SLMAP: variants seen among roughly 807,000 people sequenced by gnomAD.
SLMAP encodes the protein sarcolemma associated protein, also known as sarcolemmal membrane-associated protein.
SLMAP carries 44 observed loss-of-function variants against 128.8 expected under a neutral mutation model. That is an observed-to-expected ratio of 0.34 (90% CI 0.27 to 0.44). The LOEUF (loss-of-function observed/expected upper bound fraction) is 0.44. Among genes scored for constraint, SLMAP ranks in the 20% least tolerant of loss-of-function variants. SLMAP has a pLI of 1.00. For synonymous variants in SLMAP, 327 were observed against 348.8 expected (o/e 0.94, Z 0.70); for missense variants, 787 against 985.3 (o/e 0.80, Z 2.69).
chr3:57,895,118 C>T (rs1244705184), intron 15 of SLMAP, among the ~76,000 whole-genome samples: 2 of 150,990 alleles, frequency 1.3e-5, no homozygotes, highest in Admixed American at 1.3e-4. Flanking sequence ...TAGTGACACC[C>T]CCTCTAAAAA....
At chr3:57,806,607 T>C (rs2089930344) in intron 2 of SLMAP, among the ~76,000 whole-genome samples, 2 of 151,978 alleles carry the variant, frequency 1.3e-5, no homozygotes, top group Non-Finnish European at 2.9e-5. Context: ...CTGGCCAATT[T>C]TTTTGTATTT....
intron 2 of SLMAP, among the ~76,000 whole-genome samples, chr3:57,777,297 C>T (rs1364480750): frequency 1.3e-5 from 2 of 151,894 alleles, no homozygotes; most frequent in Non-Finnish European, 2.9e-5. Flanking sequence ...AAAAAAACCT[C>T]TTAGAAGAAG....
intron 2 of SLMAP, among the ~76,000 whole-genome samples, chr3:57,803,193 G>A (rs1008231318): frequency 6.6e-6 from 1 of 151,856 alleles, no homozygotes; most frequent in Non-Finnish European, 1.5e-5. Flanking sequence ...ATGGAAATTG[G>A]GCATGTTTGC....
intron 19 of SLMAP, among the ~76,000 whole-genome samples, chr3:57,911,098 G>A (rs1342831254): frequency 2.0e-5 from 3 of 151,988 alleles, no homozygotes; most frequent in Non-Finnish European, 2.9e-5. Context: ...TATTTTCATC[G>A]TAGACTGTGT....
chr3:57,798,640 C>T (rs2087380752), intron 2 of SLMAP, among the ~76,000 whole-genome samples: 1 of 152,112 alleles, frequency 6.6e-6, no homozygotes, highest in South Asian at 2.1e-4. Context: ...TAAAGCATGA[C>T]CTCTAGTTTA....
At chr3:57,875,677 G>T (rs1396837607) in intron 14 of SLMAP, among the ~76,000 whole-genome samples, 2 of 152,204 alleles carry the variant, frequency 1.3e-5, no homozygotes, top group African/African-American at 4.8e-5. Flanking sequence ...CAGGTAGCAA[G>T]TAGTAAGAAT....
intron 14 of SLMAP, among the ~76,000 whole-genome samples, chr3:57,872,850 A>G (rs922353161): frequency 1.3e-5 from 2 of 152,200 alleles, no homozygotes; most frequent in Non-Finnish European, 2.9e-5. Flanking sequence ...TCAAGCAAAT[A>G]CTTTCTCAGG....
intron 15 of SLMAP, among the ~76,000 whole-genome samples, chr3:57,895,550 G>A (rs1341030437): frequency 1.3e-5 from 2 of 151,984 alleles, no homozygotes; most frequent in African/African-American, 4.8e-5. Flanking sequence ...TGGCCATGCT[G>A]GTCTTGAACT....
chr3:57,794,816 A>G (rs1057108792), intron 2 of SLMAP, among the ~76,000 whole-genome samples: 3 of 152,232 alleles, frequency 2.0e-5, no homozygotes, highest in African/African-American at 7.2e-5. Context: ...TTATTTGTCC[A>G]TTAATCAGCT....
chr3:57,813,160 AT>A (rs1296844080), intron 2 of SLMAP, among the ~76,000 whole-genome samples: 1 of 136,194 alleles, frequency 7.3e-6, no homozygotes, highest in Non-Finnish European at 1.5e-5. Flanking sequence ...CAGTGGTGTG[AT>A]TTCGTCTCAC....
intron 14 of SLMAP, among the ~76,000 whole-genome samples, chr3:57,884,755 G>A (rs538500011): frequency 7.1e-4 from 108 of 152,202 alleles, no homozygotes; most frequent in Admixed American, 2.4e-3. Flanking sequence ...ATTGCAGTGG[G>A]CAGAGATCAC....
At chr3:57,886,252 C>T (rs2095884079) in intron 14 of SLMAP, among the ~76,000 whole-genome samples, 1 of 151,624 alleles carries the variant, frequency 6.6e-6, no homozygotes, top group Non-Finnish European at 1.5e-5. Flanking sequence ...TACAGGTGCC[C>T]GCCACCTGGC....
chr3:57,769,941 T>A (rs1168286095), intron 2 of SLMAP, among the ~76,000 whole-genome samples: 1 of 152,132 alleles, frequency 6.6e-6, no homozygotes, highest in Non-Finnish European at 1.5e-5. Flanking sequence ...TAAGATATAG[T>A]TTAAAAGTCT....
chr3:57,832,829 A>G (rs1207779629), intron 3 of SLMAP, among the ~76,000 whole-genome samples: 1 of 152,226 alleles, frequency 6.6e-6, no homozygotes, highest in African/African-American at 2.4e-5. Flanking sequence ...GGCAGGGCCA[A>G]CATCTTAGGA....
At chr3:57,761,956 A>G (rs1216849265) in intron 2 of SLMAP, among the ~76,000 whole-genome samples, 1 of 148,682 alleles carries the variant, frequency 6.7e-6, no homozygotes, top group Non-Finnish European at 1.5e-5. Context: ...CTGAGGCAGG[A>G]GAATGGCGTG....
At chr3:57,842,230 G>A (rs1323787622) in intron 4 of SLMAP, among the ~76,000 whole-genome samples, 3 of 152,162 alleles carry the variant, frequency 2.0e-5, no homozygotes, top group Non-Finnish European at 2.9e-5. Context: ...CGTGCTTTCA[G>A]TAGAATCATT....
At chr3:57,905,539 C>T (rs2096511779) in intron 17 of SLMAP, among the ~76,000 whole-genome samples, 2 of 152,002 alleles carry the variant, frequency 1.3e-5, no homozygotes, top group Admixed American at 6.6e-5. Context: ...CCTTGGCTTC[C>T]CAAAGTACTG....
intron 4 of SLMAP, among the ~76,000 whole-genome samples, chr3:57,846,618 G>A (rs141249654): frequency 1.4e-3 from 204 of 148,778 alleles, no homozygotes; most frequent in African/African-American, 4.4e-3. Flanking sequence ...GTGCAGTGGC[G>A]CAATCTTGGC....
At chr3:57,864,416 A>G (rs2095234029) in intron 10 of SLMAP, 132 bp from the exon 11 acceptor site, 2 of 592,184 alleles carry the variant, frequency 3.4e-6, no homozygotes, top group African/African-American at 1.9e-5. Flanking sequence ...TTTACAGATA[A>G]TGTTCTGTAG....
Sources: allele counts gnomAD v4.1 joint callset (sites outside exome capture counted in the v4.1 genomes callset), GRCh38; gene constraint gnomAD v4.1.1; transcripts MANE v1.5; gene names NCBI Gene and HGNC (gene_info 2026-07-23, HGNC 2026-07-21).